The following CADPS2 variants were observed in gnomAD, a reference collection of about 807,000 sequenced individuals.
The protein encoded by CADPS2 is calcium dependent secretion activator 2, also known as calcium-dependent secretion activator 2.
A neutral mutation model predicts 172.5 loss-of-function variants in CADPS2; 93 were observed. The observed-to-expected ratio is 0.54, with a 90% CI of 0.46 to 0.64. The LOEUF (loss-of-function observed/expected upper bound fraction) is 0.64, where lower values mean the gene tolerates loss of function less well. Ranked by LOEUF, CADPS2 falls within the 30% of genes least tolerant of loss-of-function variation. The pLI is 0.00. For synonymous variants in CADPS2, 546 were observed against 555.2 expected (o/e 0.98, Z 0.23); for missense variants, 1,420 against 1,565.9 (o/e 0.91, Z 1.57).
At chr7:122,463,933 C>T (rs888534889) in intron 14 of CADPS2, among the ~76,000 whole-genome samples, 2 of 152,104 alleles carry the variant, frequency 1.3e-5, no homozygotes, top group Non-Finnish European at 2.9e-5. Flanking sequence ...CAGTTGGAGA[C>T]GTCAGTATGA....
chr7:122,716,163 A>G (rs1238359781), intron 2 of CADPS2, among the ~76,000 whole-genome samples: 2 of 152,166 alleles, frequency 1.3e-5, no homozygotes, highest in African/African-American at 4.8e-5. Flanking sequence ...TAATTTTTTA[A>G]AAAACTGATC....
chr7:122,407,394 A>T, intron 20 of CADPS2, 146 bp downstream of exon 20: 1 of 831,252 alleles, frequency 1.2e-6, no homozygotes, highest in Non-Finnish European at 1.8e-6. Context: ...CTCTGGCCTG[A>T]CATAATCGGG....
chr7:122,837,791 C>G (rs1809006776), intron 1 of CADPS2, among the ~76,000 whole-genome samples: 1 of 152,072 alleles, frequency 6.6e-6, no homozygotes, highest in Admixed American at 6.5e-5. Flanking sequence ...TAATTAATAG[C>G]CTACCAACCA....
chr7:122,438,607 C>T, intron 16 of CADPS2, 143 bp from the exon 17 acceptor site: 1 of 896,632 alleles, frequency 1.1e-6, no homozygotes, highest in Non-Finnish European at 1.7e-6. Flanking sequence ...GGAGAGGGGT[C>T]CTAGGTAACC....
intron 6 of CADPS2, among the ~76,000 whole-genome samples, chr7:122,594,436 T>C (rs553004256): frequency 6.6e-6 from 1 of 152,024 alleles, no homozygotes. Flanking sequence ...TCATAGAAGT[T>C]TCCCTTTCCC....
intron 2 of CADPS2, among the ~76,000 whole-genome samples, chr7:122,707,740 CTAATGA>C (rs912250091): frequency 1.3e-5 from 2 of 151,582 alleles, no homozygotes; most frequent in African/African-American, 4.8e-5. Flanking sequence ...GCAAAGAGTA[CTAATGA>C]TAATATTTTT....
At position 122,614,242 on chromosome 7, in the gene CADPS2, T is replaced by C. The variant is rs560294920; in HGVS notation, c.1223+939A>G. Among the ~76,000 whole-genome samples, 143 of 152,058 alleles carry C rather than the reference T, an allele frequency of 9.4e-4. 3 individuals carry two copies. In the South Asian group the frequency reaches 0.029, roughly 31 times the overall value. On this transcript the variant is annotated intron_variant, in intron 6 of 29. Transcript: ENST00000449022. ...GGGCAGGCCTGTAGGGATTTGTAGG[T>C]TAGGATGAGAAGCTTCAACTTGTTT... is the stretch of plus-strand genomic sequence containing the variant.
chr7:122,843,211 C>G (rs1025003910), intron 1 of CADPS2, among the ~76,000 whole-genome samples: 1 of 151,976 alleles, frequency 6.6e-6, no homozygotes, highest in Non-Finnish European at 1.5e-5. Flanking sequence ...AAAGCATGTA[C>G]TCAATCACAC....
chr7:122,775,014 CTATG>C (rs948186415), intron 1 of CADPS2, among the ~76,000 whole-genome samples: 2 of 152,024 alleles, frequency 1.3e-5, no homozygotes, highest in Non-Finnish European at 2.9e-5. Context: ...AGTCTCTCAA[CTATG>C]TGTGTTTTTT....
intron 28 of CADPS2, among the ~76,000 whole-genome samples, chr7:122,331,506 A>G (rs1822517): frequency 0.65 from 98,258 of 152,002 alleles, 32,056 homozygotes; most frequent in Non-Finnish European, 0.67. Flanking sequence ...GGGTGCTGTG[A>G]CGTGTGCCTG....
rs1208299993 is a variant in CADPS2, at chr7:122,360,837, A to G, written c.3472-17T>C. The G allele has an allele frequency of 1.3e-6, 2 of 1,575,794 alleles. No homozygotes were observed. Among genetic ancestry groups the G allele is most frequent in the Admixed American group, 3.7e-5 (2 of 53,736 alleles). The stretch of plus-strand genomic sequence containing the variant: ...TGCTTTCACCTTAAGTGTGAAAGAA[A>G]GAGATAATCATGAGAATTATTTTTT... On this transcript the variant is annotated splice_polypyrimidine_tract_variant and intron_variant, in intron 26 of 29. Coordinates refer to ENST00000449022, the MANE Select transcript of CADPS2 (RefSeq NM_017954.11).
chr7:122,416,836 G>T (rs577805607), intron 17 of CADPS2, among the ~76,000 whole-genome samples: 1 of 152,332 alleles, frequency 6.6e-6, no homozygotes, highest in East Asian at 1.9e-4. Flanking sequence ...ATTAAGTGCA[G>T]TTACCTGAAA....
intron 1 of CADPS2, among the ~76,000 whole-genome samples, chr7:122,879,888 T>C (rs557710390): frequency 1.3e-5 from 2 of 152,286 alleles, no homozygotes; most frequent in South Asian, 4.1e-4. Context: ...TTGAGGAAAA[T>C]AGAAGCTTTT....
intron 1 of CADPS2, among the ~76,000 whole-genome samples, chr7:122,855,718 T>C (rs891671016): frequency 6.6e-6 from 1 of 152,238 alleles, no homozygotes; most frequent in East Asian, 1.9e-4. Context: ...GAATGCAGAC[T>C]GCTTCTACAT....
At chr7:122,577,328 C>A (rs553788260) in intron 7 of CADPS2, among the ~76,000 whole-genome samples, 2 of 152,184 alleles carry the variant, frequency 1.3e-5, no homozygotes, top group East Asian at 3.9e-4. Context: ...CCCCTGTGTA[C>A]CCCTTTCTGG....
intron 8 of CADPS2, among the ~76,000 whole-genome samples, chr7:122,546,381 C>A (rs1285907860): frequency 6.6e-6 from 1 of 152,154 alleles, no homozygotes; most frequent in Non-Finnish European, 1.5e-5. Flanking sequence ...GACCCTTATA[C>A]CCGTATGTTA....
chr7:122,637,592 TG>T (rs2077204843), intron 3 of CADPS2, among the ~76,000 whole-genome samples: 1 of 152,198 alleles, frequency 6.6e-6, no homozygotes, highest in Non-Finnish European at 1.5e-5. Context: ...TACCTTGGAT[TG>T]GGTTTCAACT....
Position 122,669,342 on chromosome 7 carries a change from T to A in CADPS2, c.454-5773A>T, listed in dbSNP as rs572679517. Among the ~76,000 whole-genome samples the A allele has an allele frequency of 5.8e-3, 464 of 80,524 alleles. 1 individual carries two copies. The highest frequency in any genetic ancestry group is 0.015 in the East Asian group (33 of 2,224). 52.8% of individuals were successfully genotyped at this position (80,524 alleles called of 152,430 possible). A position where few individuals can be genotyped will look rare whatever the true frequency, so the allele number is the denominator to read the frequency against. ...TGAGATCCTGTCTAAAGAAAAAATA[T>A]ATATATATATATATTTTTTTTTTTT... On this transcript the variant is annotated intron_variant, in intron 2 of 29. Coordinates refer to ENST00000449022, the MANE Select transcript of CADPS2 (RefSeq NM_017954.11).
intron 6 of CADPS2, among the ~76,000 whole-genome samples, chr7:122,597,180 G>T (rs745779955): frequency 2.6e-5 from 4 of 152,016 alleles, no homozygotes; most frequent in East Asian, 1.9e-4. Context: ...CATGAGGCTT[G>T]GGGGGTCAAA....
Sources: allele counts gnomAD v4.1 joint callset (sites outside exome capture counted in the v4.1 genomes callset), GRCh38; gene constraint gnomAD v4.1.1; transcripts MANE v1.5; gene names NCBI Gene and HGNC (gene_info 2026-07-23, HGNC 2026-07-21).